CACNA2D1: variants seen among roughly 807,000 people sequenced by gnomAD.
The protein encoded by CACNA2D1 is calcium voltage-gated channel auxiliary subunit alpha2delta 1.
In CACNA2D1, 53 loss-of-function variants were observed where a neutral mutation model predicts 171.5. The observed-to-expected ratio is 0.31, with a 90% CI of 0.25 to 0.39. CACNA2D1 has a LOEUF of 0.39. CACNA2D1 is among the 10% of genes least tolerant of loss of function. The pLI is 1.00. For synonymous variants in CACNA2D1, 442 were observed against 443.1 expected (o/e 1.00, Z 0.03); for missense variants, 903 against 1,299.8 (o/e 0.69, Z 4.69).
chr7:82,344,773 T>C (rs576672040), intron 2 of CACNA2D1, among the ~76,000 whole-genome samples: 1 of 152,336 alleles, frequency 6.6e-6, no homozygotes, highest in South Asian at 2.1e-4. Context: ...TACATCGTTA[T>C]GGTGCTGATT....
intron 2 of CACNA2D1, among the ~76,000 whole-genome samples, chr7:82,346,274 C>T (rs919968979): frequency 2.8e-4 from 42 of 152,074 alleles, no homozygotes; most frequent in African/African-American, 9.9e-4. Context: ...TCATACTGGC[C>T]CAGCCTGTAC....
rs183983296 is a variant in CACNA2D1, at chr7:82,072,743, C to T, written c.659-6219G>A. Among the ~76,000 whole-genome samples, 1,024 of 151,968 alleles carry T rather than the reference C, an allele frequency of 6.7e-3. 14 individuals carry two copies. The highest frequency in any genetic ancestry group is 6.6e-3 in the Non-Finnish European group (447 of 67,968). ...TTAAAATCATGAATTTGGGAACCAG[C>T]CTACCTGGATTTTTCACTGGGTGCA... On this transcript the variant is annotated intron_variant, in intron 7 of 38. Transcript: ENST00000356860.
chr7:82,294,339 G>A (rs968279883), intron 3 of CACNA2D1, among the ~76,000 whole-genome samples: 7 of 152,154 alleles, frequency 4.6e-5, no homozygotes, highest in African/African-American at 1.7e-4. Flanking sequence ...ATGCAGGATG[G>A]AAATTTTAAC....
chr7:82,082,208 C>T (rs1480730989), intron 7 of CACNA2D1, among the ~76,000 whole-genome samples: 5 of 152,096 alleles, frequency 3.3e-5, no homozygotes, highest in Admixed American at 6.5e-5. Context: ...CCTCCACCAG[C>T]GGAGGGCAGA....
intron 3 of CACNA2D1, among the ~76,000 whole-genome samples, chr7:82,302,097 T>C (rs1813085694): frequency 6.6e-6 from 1 of 152,168 alleles, no homozygotes; most frequent in African/African-American, 2.4e-5. Context: ...ATTTAAATTT[T>C]CTTTCCTAAA....
At chr7:82,054,945 T>C (rs780813730) in intron 10 of CACNA2D1, among the ~76,000 whole-genome samples, 7 of 152,174 alleles carry the variant, frequency 4.6e-5, no homozygotes, top group Non-Finnish European at 1.0e-4. Flanking sequence ...AAGAAAATGA[T>C]AGCCTTATGT....
intron 3 of CACNA2D1, among the ~76,000 whole-genome samples, chr7:82,281,771 A>T (rs187738293): frequency 1.5e-4 from 22 of 151,278 alleles, no homozygotes; most frequent in African/African-American, 5.4e-4. Context: ...ATGAACTTTC[A>T]TTTAATAGCT....
intron 18 of CACNA2D1, among the ~76,000 whole-genome samples, chr7:82,000,042 C>T (rs141419600): frequency 3.3e-5 from 5 of 151,902 alleles, no homozygotes; most frequent in Non-Finnish European, 7.4e-5. Context: ...AGGTGGATCA[C>T]GAGGTCAGGA....
chr7:82,379,848 C>G (rs10954678), intron 1 of CACNA2D1, among the ~76,000 whole-genome samples: 65,793 of 151,858 alleles, frequency 0.43, 14,526 homozygotes, highest in East Asian at 0.56. Flanking sequence ...CTATATATAT[C>G]CATCTTTCTT....
At chr7:82,130,058 A>G (rs568560700) in intron 5 of CACNA2D1, among the ~76,000 whole-genome samples, 1 of 152,360 alleles carries the variant, frequency 6.6e-6, no homozygotes, top group East Asian at 1.9e-4. Context: ...GAATATAACT[A>G]TGACGTGTTC....
At chr7:82,255,847 G>A (rs1806235389) in intron 3 of CACNA2D1, among the ~76,000 whole-genome samples, 1 of 152,158 alleles carries the variant, frequency 6.6e-6, no homozygotes. Context: ...CATGCCCTAA[G>A]TAAGTTAATA....
At chr7:82,371,322 T>C (rs1427991705) in intron 1 of CACNA2D1, among the ~76,000 whole-genome samples, 2 of 152,176 alleles carry the variant, frequency 1.3e-5, no homozygotes, top group African/African-American at 4.8e-5. Flanking sequence ...TTAATTCTGG[T>C]GTGGCTGTTT....
intron 19 of CACNA2D1, among the ~76,000 whole-genome samples, chr7:81,996,256 T>C (rs1255325641): frequency 6.6e-6 from 1 of 152,178 alleles, no homozygotes; most frequent in Non-Finnish European, 1.5e-5. Context: ...ACCAAGCTTG[T>C]CCCCATTACT....
At chr7:82,376,581 T>G (rs374682132) in intron 1 of CACNA2D1, among the ~76,000 whole-genome samples, 1 of 152,200 alleles carries the variant, frequency 6.6e-6, no homozygotes, top group Non-Finnish European at 1.5e-5. Flanking sequence ...AAGGAACAGT[T>G]GCACACTTCT....
intron 6 of CACNA2D1, among the ~76,000 whole-genome samples, chr7:82,110,895 G>A (rs745962175): frequency 6.6e-6 from 1 of 151,840 alleles, no homozygotes. Context: ...ATTACACTAC[G>A]ATATACACTA....
rs377381164 is a variant in CACNA2D1, at chr7:81,977,964, C to T, written c.1956-3412G>A. On this transcript the variant is annotated intron_variant, in intron 24 of 38. Transcript: ENST00000356860. Reference sequence around the variant, plus strand: ...CAGTTCTCAAAATAAGACATTTATGCGGCCAACAAACATATGAAAAAAAGC... The same window carrying T: ...CAGTTCTCAAAATAAGACATTTATGTGGCCAACAAACATATGAAAAAAAGC... Among the ~76,000 whole-genome samples the T allele has an allele frequency of 1.9e-3, 282 of 152,138 alleles. 1 individual carries two copies. The highest frequency in any genetic ancestry group is 6.0e-3 in the African/African-American group (251 of 41,490).
chr7:82,014,758 A>G (rs1480090730), intron 12 of CACNA2D1, among the ~76,000 whole-genome samples: 2 of 152,184 alleles, frequency 1.3e-5, no homozygotes, highest in Admixed American at 6.5e-5. Flanking sequence ...ATTCATAGAA[A>G]GTACATCTTT....
chr7:82,065,414 C>T (rs1807488692), intron 8 of CACNA2D1, among the ~76,000 whole-genome samples: 1 of 152,126 alleles, frequency 6.6e-6, no homozygotes, highest in South Asian at 2.1e-4. Flanking sequence ...GATTGGCACC[C>T]AGCTTCTAAG....
chr7:82,146,781 A>G (rs1793177567), intron 4 of CACNA2D1, among the ~76,000 whole-genome samples: 1 of 150,930 alleles, frequency 6.6e-6, no homozygotes, highest in African/African-American at 2.4e-5. Flanking sequence ...GAGGTCAGGA[A>G]TTTGACAACA....
Sources: gnomAD v4.1 joint callset for allele counts (sites outside exome capture counted in the v4.1 genomes callset) on GRCh38, gnomAD v4.1.1 for gene constraint, MANE v1.5 for transcripts, NCBI Gene and HGNC (gene_info 2026-07-23, HGNC 2026-07-21) for gene names.